Variants in CNTNAP2 observed in about 807,000 individuals in gnomAD.
The protein encoded by CNTNAP2 is contactin-associated protein-like 2.
A neutral mutation model predicts 155.2 loss-of-function variants in CNTNAP2; 98 were observed. That is an observed-to-expected ratio of 0.63 (90% CI 0.54 to 0.75). The LOEUF (loss-of-function observed/expected upper bound fraction) is 0.75, where lower values mean the gene tolerates loss of function less well. Ranked by LOEUF, CNTNAP2 falls within the 30% of genes least tolerant of loss-of-function variation. The pLI, the probability that CNTNAP2 is intolerant of heterozygous loss-of-function variation, is 0.00. For synonymous variants in CNTNAP2, 651 were observed against 631.2 expected (o/e 1.03, Z -0.47); for missense variants, 1,727 against 1,688.1 (o/e 1.02, Z -0.40).
chr7:147,114,901 G>C (rs1315078257), intron 5 of CNTNAP2, among the ~76,000 whole-genome samples: 1 of 152,122 alleles, frequency 6.6e-6, no homozygotes, highest in African/African-American at 2.4e-5. Flanking sequence ...TTGCTTCATA[G>C]TGTCACTGGT....
At chr7:147,091,619 T>G (rs1294068888) in intron 4 of CNTNAP2, among the ~76,000 whole-genome samples, 1 of 11,394 alleles carries the variant, frequency 8.8e-5, no homozygotes, top group Admixed American at 1.6e-3. Flanking sequence ...ACCCAGCTAA[T>G]TTTTTTTTTT....
intron 16 of CNTNAP2, among the ~76,000 whole-genome samples, chr7:148,126,779 G>A (rs1321627523): frequency 6.6e-6 from 1 of 152,152 alleles, no homozygotes; most frequent in Non-Finnish European, 1.5e-5. Flanking sequence ...TGGACGCGAA[G>A]CCGTTTGAAG....
rs548067210 is a variant in CNTNAP2, at chr7:146,955,907, G to A, written c.403-88000G>A. 5.9e-5 allele frequency among the ~76,000 whole-genome samples: 9 copies of A among 152,088 alleles called. No individual in the cohort carries two copies. In the South Asian group the frequency reaches 1.2e-3, roughly 21 times the overall value. On this transcript the variant is annotated intron_variant, in intron 3 of 23. Transcript: ENST00000361727. ...AAATGTATTACTTACCGCAGTAAAC[G>A]GTCACTAGTCAGTAGGTTGATAATT...
At chr7:146,174,649 C>G (rs1423136341) in intron 1 of CNTNAP2, among the ~76,000 whole-genome samples, 1 of 151,848 alleles carries the variant, frequency 6.6e-6, no homozygotes, top group Non-Finnish European at 1.5e-5. Flanking sequence ...ACCAGCCTGG[C>G]CAATATGGCG....
chr7:148,270,650 A>G (rs1796757531), intron 21 of CNTNAP2, among the ~76,000 whole-genome samples: 2 of 152,212 alleles, frequency 1.3e-5, no homozygotes, highest in South Asian at 4.1e-4. Context: ...TGCAGGGTGA[A>G]AGGGTATGGA....
intron 1 of CNTNAP2, among the ~76,000 whole-genome samples, chr7:146,198,353 T>C (rs1275056848): frequency 6.6e-6 from 1 of 152,194 alleles, no homozygotes; most frequent in African/African-American, 2.4e-5. Flanking sequence ...TTGTGTCAAA[T>C]AGGTAGATAT....
chr7:146,297,970 A>G (rs1039682342), intron 1 of CNTNAP2, among the ~76,000 whole-genome samples: 3 of 152,076 alleles, frequency 2.0e-5, no homozygotes, highest in African/African-American at 7.2e-5. Context: ...TTGAAGAAAT[A>G]CTCTGGTAAG....
At chr7:147,990,357 T>C (rs1801689278) in intron 15 of CNTNAP2, among the ~76,000 whole-genome samples, 1 of 152,168 alleles carries the variant, frequency 6.6e-6, no homozygotes, top group Admixed American at 6.5e-5. Context: ...TTCTGGCTGA[T>C]TTCAGTCAAG....
chr7:146,759,549 G>T (rs1228045322), intron 1 of CNTNAP2, among the ~76,000 whole-genome samples: 3 of 151,870 alleles, frequency 2.0e-5, no homozygotes, highest in African/African-American at 7.3e-5. Context: ...AAAAAAATTA[G>T]CTAGGTGTGG....
intron 1 of CNTNAP2, among the ~76,000 whole-genome samples, chr7:146,255,984 G>T (rs925470101): frequency 2.0e-5 from 3 of 152,140 alleles, no homozygotes; most frequent in Non-Finnish European, 4.4e-5. Context: ...AAAAGAAAAG[G>T]TCATTATTAA....
intron 17 of CNTNAP2, among the ~76,000 whole-genome samples, chr7:148,150,093 G>C (rs915176559): frequency 7.1e-6 from 1 of 140,918 alleles, no homozygotes; most frequent in African/African-American, 2.7e-5. Flanking sequence ...GAAGTGAGAG[G>C]GGTTGTTACA....
At chr7:147,691,041 GT>G (rs1174230994) in intron 13 of CNTNAP2, among the ~76,000 whole-genome samples, 5 of 151,930 alleles carry the variant, frequency 3.3e-5, no homozygotes, top group South Asian at 4.2e-4. Context: ...CTGTTAATGA[GT>G]AAAACAAAGG....
chr7:148,137,430 C>T (rs999986694), intron 16 of CNTNAP2, among the ~76,000 whole-genome samples: 2 of 152,094 alleles, frequency 1.3e-5, no homozygotes, highest in African/African-American at 4.8e-5. Context: ...GAGGCTGAGG[C>T]GGGTGGATCA....
At chr7:146,778,058 A>G (rs1289833922) in intron 2 of CNTNAP2, among the ~76,000 whole-genome samples, 1 of 152,174 alleles carries the variant, frequency 6.6e-6, no homozygotes, top group Non-Finnish European at 1.5e-5. Context: ...TCTGATACAG[A>G]CACTATATAA....
intron 9 of CNTNAP2, among the ~76,000 whole-genome samples, chr7:147,318,630 CAG>C (rs1795281969): frequency 6.6e-6 from 1 of 151,610 alleles, no homozygotes; most frequent in South Asian, 2.1e-4. Flanking sequence ...CACATGGACA[CAG>C]GGAGGGGAAC....
At chr7:146,720,840 A>T (rs1645052429) in intron 1 of CNTNAP2, among the ~76,000 whole-genome samples, 1 of 148,188 alleles carries the variant, frequency 6.7e-6, no homozygotes, top group Non-Finnish European at 1.5e-5. Context: ...TATTATTTAG[A>T]GAAAGAGCTA....
intron 3 of CNTNAP2, among the ~76,000 whole-genome samples, chr7:146,865,083 G>C (rs575977676): frequency 4.0e-5 from 6 of 150,864 alleles, no homozygotes; most frequent in African/African-American, 1.5e-4. Context: ...TCAAATATTC[G>C]GAAAATGTAA....
chr7:146,926,577 A>C (rs1796614209), intron 3 of CNTNAP2, among the ~76,000 whole-genome samples: 1 of 152,150 alleles, frequency 6.6e-6, no homozygotes, highest in African/African-American at 2.4e-5. Context: ...CTCCTTCCAC[A>C]ATTTTAGTAC....
intron 15 of CNTNAP2, among the ~76,000 whole-genome samples, chr7:148,012,389 G>T (rs942670134): frequency 6.6e-6 from 1 of 152,146 alleles, no homozygotes; most frequent in Non-Finnish European, 1.5e-5. Flanking sequence ...AATGGTGCTG[G>T]CCAGGGCCTG....
Sources: gnomAD v4.1 joint callset for allele counts (sites outside exome capture counted in the v4.1 genomes callset) on GRCh38, gnomAD v4.1.1 for gene constraint, MANE v1.5 for transcripts, NCBI Gene and HGNC (gene_info 2026-07-23, HGNC 2026-07-21) for gene names.